MET: variants seen among roughly 807,000 people sequenced by gnomAD.
The protein encoded by MET is hepatocyte growth factor receptor.
A neutral mutation model predicts 133.1 loss-of-function variants in MET; 48 were observed. The observed-to-expected ratio is 0.36, with a 90% CI of 0.29 to 0.46. The LOEUF is 0.46. Among genes scored for constraint, MET ranks in the 20% least tolerant of loss-of-function variants. The probability of loss-of-function intolerance (pLI) is 1.00; values close to 1 mark genes in which losing one functional copy is unlikely to be tolerated. For synonymous variants in MET, 628 were observed against 616.5 expected (o/e 1.02, Z -0.28); for missense variants, 1,442 against 1,695.9 (o/e 0.85, Z 2.63).
intron 19 of MET, among the ~76,000 whole-genome samples, chr7:116,786,120 T>C (rs146994340): frequency 7.2e-5 from 11 of 152,346 alleles, no homozygotes; most frequent in African/African-American, 1.2e-4. Flanking sequence ...TTGGGCTCTA[T>C]TGAGGGCTCT....
At chr7:116,703,047 A>G (rs1791638022) in intron 2 of MET, among the ~76,000 whole-genome samples, 1 of 152,152 alleles carries the variant, frequency 6.6e-6, no homozygotes, top group African/African-American at 2.4e-5. Flanking sequence ...TGACATCACA[A>G]AAGCCCTCTT....
intron 14 of MET, among the ~76,000 whole-genome samples, chr7:116,772,516 G>A (rs932746300): frequency 6.6e-6 from 1 of 152,178 alleles, no homozygotes; most frequent in Non-Finnish European, 1.5e-5. Context: ...ATGAAAAAAA[G>A]GAGGGGTCAA....
intron 14 of MET, among the ~76,000 whole-genome samples, chr7:116,774,276 G>T (rs954505450): frequency 1.3e-5 from 2 of 151,974 alleles, no homozygotes; most frequent in African/African-American, 4.8e-5. Flanking sequence ...AACAAGGATG[G>T]TCCACTAACC....
At chr7:116,701,413 G>A (rs1034512052) in intron 2 of MET, among the ~76,000 whole-genome samples, 2 of 152,134 alleles carry the variant, frequency 1.3e-5, no homozygotes, top group Non-Finnish European at 2.9e-5. Flanking sequence ...TTGCTGAGGG[G>A]TAAAGGCATA....
chr7:116,772,109 C>T (rs2116999994), intron 14 of MET, 120 bp downstream of exon 14: 1 of 1,091,086 alleles, frequency 9.2e-7, no homozygotes, highest in Non-Finnish European at 1.3e-6. Flanking sequence ...GAAGTATTTA[C>T]CTCTGCCAAG....
chr7:116,730,422 T>C (rs528053401), intron 2 of MET, among the ~76,000 whole-genome samples: 2 of 152,306 alleles, frequency 1.3e-5, no homozygotes, highest in Admixed American at 6.5e-5. Context: ...TTGAGTGTTT[T>C]AAATAGAGAG....
rs1260001540 is a variant in MET at position 116,699,136 on chromosome 7, T to G, written c.52T>G (p.Leu18Val). Residue 18 changes from leucine (L) to valine (V), a missense_variant, in exon 2 of 21, where the codon TTG (leucine) becomes GTG (valine). Physicochemically the swap from Leu to Val is conservative, Grantham distance 32 (BLOSUM62 1). Coordinates refer to ENST00000397752, the MANE Select transcript of MET (RefSeq NM_000245.4). ...APGILVLLFT[L>V]VQRSNGECKE... is the part of the protein sequence containing the mutation. The stretch of plus-strand genomic sequence containing the variant: ...TGGCATCCTCGTGCTCCTGTTTACC[T>G]TGGTGCAGAGGAGCAATGGGGAGTG... 1 of 1,613,876 alleles carries G rather than the reference T, an allele frequency of 6.2e-7. No individual in the cohort carries two copies. The highest frequency in any genetic ancestry group is 1.7e-5 in the Admixed American group (1 of 59,970).
At chr7:116,722,175 TG>T (rs1792518648) in intron 2 of MET, among the ~76,000 whole-genome samples, 1 of 152,108 alleles carries the variant, frequency 6.6e-6, no homozygotes, top group South Asian at 2.1e-4. Context: ...ACTCCTGTAT[TG>T]GGTGCATATA....
At position 116,699,892 on chromosome 7, in the gene MET, G is replaced by A. The variant is rs1060503542; in HGVS notation, c.808G>A (p.Asp270Asn). 6.2e-7 allele frequency: 1 copy of A among 1,614,058 alleles called. No individual in the cohort carries two copies. Among genetic ancestry groups the A allele is most frequent in the Non-Finnish European group, 8.5e-7 (1 of 1,179,984 alleles). Residue 270 changes from aspartate (D) to asparagine (N), a missense_variant, in exon 2 of 21, where the codon GAT (aspartate) becomes AAT (asparagine). Around this residue, in one of 6 missense-constraint regions of MET, gnomAD observed 762 missense variants for 792.4 expected, o/e 0.96. Coordinates refer to ENST00000397752, the MANE Select transcript of MET (RefSeq NM_000245.4). The part of the protein sequence containing the change: ...YFLTVQRETL[D>N]AQTFHTRIIR... ...CTTGACGGTCCAAAGGGAAACTCTA[G>A]ATGCTCAGACTTTTCACACAAGAAT...
At chr7:116,682,598 C>A (rs947771129) in intron 1 of MET, among the ~76,000 whole-genome samples, 2 of 152,166 alleles carry the variant, frequency 1.3e-5, no homozygotes, top group Non-Finnish European at 2.9e-5. Context: ...ATTATGTAAC[C>A]ATTTAATGCC....
At chr7:116,680,316 A>T (rs186489621) in intron 1 of MET, among the ~76,000 whole-genome samples, 1 of 152,216 alleles carries the variant, frequency 6.6e-6, no homozygotes, top group African/African-American at 2.4e-5. Flanking sequence ...GTGTTTTTGT[A>T]CACATTCGTA....
intron 2 of MET, among the ~76,000 whole-genome samples, chr7:116,721,240 T>C (rs1792472281): frequency 6.6e-6 from 1 of 152,274 alleles, no homozygotes; most frequent in African/African-American, 2.4e-5. Context: ...GAGGAATTTA[T>C]CCATTTCTTC....
rs1191592629 is a variant in MET, at chr7:116,774,889, C to A, written c.3037C>A (p.Pro1013Thr). Residue 1013 changes from proline (P) to threonine (T), a missense_variant, in exon 15 of 21, where the codon CCT becomes ACT. Pro to Thr is a conservative substitution (Grantham distance 38). This residue lies in a region of MET where 514 missense variants were observed against 659.6 expected (regional missense o/e 0.78). Coordinates refer to ENST00000397752, the MANE Select transcript of MET (RefSeq NM_000245.4). ...YRATFPEDQF[P>T]NSSQNGSCRQ... ...TTTCCTTCATCTTACAGATCAGTTT[C>A]CTAATTCATCTCAGAACGGTTCATG... 1.2e-6 allele frequency: 2 copies of A among 1,613,792 alleles called. No individual in the cohort carries two copies. The highest frequency in any genetic ancestry group is 1.7e-6 in the Non-Finnish European group (2 of 1,179,878).
intron 2 of MET, among the ~76,000 whole-genome samples, chr7:116,706,549 G>A (rs10243024): frequency 0.31 from 46,601 of 151,910 alleles, 7,821 homozygotes; most frequent in African/African-American, 0.46. Context: ...TTTTTACTCC[G>A]AATACTGTTT....
At chr7:116,717,705 C>T (rs79058672) in intron 2 of MET, among the ~76,000 whole-genome samples, 1,577 of 152,216 alleles carry the variant, frequency 0.01, 18 homozygotes, top group Middle Eastern at 0.027. Flanking sequence ...ATTTGCAAGA[C>T]TGATTTAAAT....
intron 1 of MET, among the ~76,000 whole-genome samples, chr7:116,692,049 C>A (rs1303042681): frequency 2.0e-5 from 3 of 152,150 alleles, no homozygotes; most frequent in South Asian, 2.1e-4. Flanking sequence ...GAATAAAAAT[C>A]TTTTCCAGGA....
At chr7:116,715,468 G>A (rs1297040241) in intron 2 of MET, among the ~76,000 whole-genome samples, 1 of 152,164 alleles carries the variant, frequency 6.6e-6, no homozygotes, top group East Asian at 1.9e-4. Context: ...ATTGAATTCA[G>A]GGCACTCACT....
chr7:116,688,299 G>A (rs1457526363), intron 1 of MET, among the ~76,000 whole-genome samples: 1 of 151,860 alleles, frequency 6.6e-6, no homozygotes, highest in Middle Eastern at 3.2e-3. Context: ...ATGTTATTCA[G>A]TCTTCCTGGA....
intron 1 of MET, among the ~76,000 whole-genome samples, chr7:116,687,276 T>C (rs1174161333): frequency 6.6e-6 from 1 of 152,246 alleles, no homozygotes; most frequent in Non-Finnish European, 1.5e-5. Flanking sequence ...TTTGCTTTAT[T>C]GATTTTTCAA....
Sources: allele counts gnomAD v4.1 joint callset (sites outside exome capture counted in the v4.1 genomes callset), GRCh38; gene constraint gnomAD v4.1.1; regional missense constraint gnomAD v4.1.1; transcripts MANE v1.5; gene names NCBI Gene and HGNC (gene_info 2026-07-23, HGNC 2026-07-21).